The following HIPK2 variants were observed in gnomAD, a reference collection of about 807,000 sequenced individuals.
HIPK2 encodes the protein homeodomain-interacting protein kinase 2.
HIPK2 carries 27 observed loss-of-function variants against 113.7 expected under a neutral mutation model. The ratio of observed to expected loss-of-function variants is 0.24; its 90% CI spans 0.17 to 0.33. The LOEUF (loss-of-function observed/expected upper bound fraction) is 0.33, where lower values mean the gene tolerates loss of function less well. Among genes scored for constraint, HIPK2 ranks in the 10% least tolerant of loss-of-function variants. HIPK2 has a pLI of 1.00. For missense variants in HIPK2, 1,257 were observed against 1,588.0 expected (o/e 0.79, Z 3.54); for synonymous variants, 631 against 642.2 (o/e 0.98, Z 0.26).
rs147203272 is a variant in HIPK2, at chr7:139,604,299, T to G, written c.2113-76A>C. The G allele has an allele frequency of 9.4e-5, 144 of 1,539,954 alleles. No homozygotes were observed. The East Asian group carries it at 9.8e-4, about 10-fold the overall frequency. Reference sequence around the variant, plus strand: ...GATTTGCATGAACCCACACTTATTCTGTGCCTGGGGTTGTGCTAGACATTC... The same window carrying G: ...GATTTGCATGAACCCACACTTATTCGGTGCCTGGGGTTGTGCTAGACATTC... On this transcript the variant is annotated intron_variant, in intron 9 of 14. Transcript: ENST00000406875.
At chr7:139,585,909 C>T (rs1056509366) in intron 12 of HIPK2, among the ~76,000 whole-genome samples, 1 of 151,998 alleles carries the variant, frequency 6.6e-6, no homozygotes, top group African/African-American at 2.4e-5. Flanking sequence ...CATGATATCT[C>T]GGAGATCTAC....
At chr7:139,616,056 C>T (rs879002059) in intron 7 of HIPK2, among the ~76,000 whole-genome samples, 1 of 152,138 alleles carries the variant, frequency 6.6e-6, no homozygotes, top group Non-Finnish European at 1.5e-5. Context: ...ATGGTCTGCT[C>T]ATATCTAGAC....
At chr7:139,756,577 A>G (rs1217419505) in intron 1 of HIPK2, among the ~76,000 whole-genome samples, 1 of 152,180 alleles carries the variant, frequency 6.6e-6, no homozygotes, top group Admixed American at 6.5e-5. Context: ...GGCGCATGCC[A>G]CCATGCCTGG....
chr7:139,630,369 C>T lies in HIPK2; in HGVS notation c.1347+796G>A, dbSNP rs1030695466. The stretch of plus-strand genomic sequence containing the variant: ...CCCCATCACCCCAGCCGCCACCCCA[C>T]ACTTCTATACTGGGCAAACCCGCTT... On this transcript the variant is annotated intron_variant, in intron 4 of 14. Transcript: ENST00000406875. This position sits in a 1 kb window ranked among gnomAD's most constrained non-coding sequence, Gnocchi z 4.0. Among the ~76,000 whole-genome samples the T allele has an allele frequency of 8.5e-5, 13 of 152,124 alleles. No individual in the cohort carries two copies. Among genetic ancestry groups the T allele is most frequent in the African/African-American group, 3.1e-4 (13 of 41,440 alleles).
intron 2 of HIPK2, among the ~76,000 whole-genome samples, chr7:139,686,241 G>A (rs931755261): frequency 3.3e-5 from 5 of 152,216 alleles, no homozygotes; most frequent in Non-Finnish European, 7.3e-5. Flanking sequence ...AAGTGGAGCT[G>A]AAGATGTGAC....
At chr7:139,623,452 G>A (rs1476042286) in intron 6 of HIPK2, among the ~76,000 whole-genome samples, 1 of 149,236 alleles carries the variant, frequency 6.7e-6, no homozygotes, top group Non-Finnish European at 1.5e-5. Context: ...GGAAGCTGCA[G>A]TGACGCAGTG....
chr7:139,717,658 G>A (rs182517163), intron 1 of HIPK2, among the ~76,000 whole-genome samples: 255 of 152,210 alleles, frequency 1.7e-3, no homozygotes, highest in Non-Finnish European at 3.0e-3. Flanking sequence ...ACAATTCATG[G>A]CTCCATTCAC....
chr7:139,604,308 G>C, intron 9 of HIPK2, 85 bp from the exon 10 acceptor site: 1 of 1,525,472 alleles, frequency 6.6e-7, no homozygotes, highest in Non-Finnish European at 8.8e-7. Context: ...CTGTGCCTGG[G>C]GTTGTGCTAG....
At position 139,630,851 on chromosome 7, in the gene HIPK2, C is replaced by T. The variant is rs935208507; in HGVS notation, c.1347+314G>A. On this transcript the variant is annotated intron_variant, in intron 4 of 14. Transcript: ENST00000406875. The surrounding 1 kb of genome is among the most constrained non-coding windows in gnomAD (Gnocchi z 4.0). ...GAGCTTGTGGCACATGGTCCTGTCTCCCTCTGGACTGCCAGCTCTCAAGGG... is the reference window on the plus strand; with the variant it reads ...GAGCTTGTGGCACATGGTCCTGTCTTCCTCTGGACTGCCAGCTCTCAAGGG... 7.2e-5 allele frequency among the ~76,000 whole-genome samples: 11 copies of T among 152,242 alleles called. No individual in the cohort carries two copies. The highest frequency in any genetic ancestry group is 6.5e-5 in the Admixed American group (1 of 15,284).
chr7:139,717,033 C>A lies in HIPK2; in HGVS notation c.20-18G>T, dbSNP rs111470152. On this transcript the variant is annotated intron_variant, in intron 1 of 14. Transcript: ENST00000406875. ...GGCCATACCTACAAGGAAAGGAAAA[C>A]GAAAAGTAAGTATCGGAGTCACCTT... 3.5e-4 allele frequency: 554 copies of A among 1,596,694 alleles called. 2 individuals are homozygous for A. In the African/African-American group the frequency reaches 6.4e-3, roughly 19 times the overall value.
chr7:139,664,431 G>A (rs1025210150), intron 2 of HIPK2, among the ~76,000 whole-genome samples: 3 of 152,090 alleles, frequency 2.0e-5, no homozygotes, highest in Admixed American at 6.5e-5. Context: ...CAGCTACTAG[G>A]GAGGCTGAGG....
At position 139,683,204 on chromosome 7, in the gene HIPK2, A is replaced by ATAAC. The variant is rs956768272; in HGVS notation, c.1103+32724_1103+32727dup. On this transcript the variant is annotated intron_variant, in intron 2 of 14. Transcript: ENST00000406875. This position sits in a 1 kb window ranked among gnomAD's most constrained non-coding sequence, Gnocchi z 4.2. ...CGTGACCTGCTTCATGCTTAACTAT[A>ATAAC]TAACACGCGTGCCACACACGAGGAT... 6.6e-6 allele frequency among the ~76,000 whole-genome samples: 1 copy of ATAAC among 152,230 alleles called. No individual in the cohort carries two copies. The highest frequency in any genetic ancestry group is 2.4e-5 in the African/African-American group (1 of 41,472).
At chr7:139,656,376 C>T (rs927938143) in intron 2 of HIPK2, among the ~76,000 whole-genome samples, 8 of 152,194 alleles carry the variant, frequency 5.3e-5, no homozygotes, top group Admixed American at 5.2e-4. Context: ...TTAGGATGCT[C>T]AAGAGTCATC....
At chr7:139,764,234 A>G (rs1423731561) in intron 1 of HIPK2, among the ~76,000 whole-genome samples, 1 of 152,232 alleles carries the variant, frequency 6.6e-6, no homozygotes, top group Middle Eastern at 3.2e-3. Context: ...TTATTACACC[A>G]ACGAAACTGA....
chr7:139,741,946 A>G (rs1369179123), intron 1 of HIPK2, among the ~76,000 whole-genome samples: 2 of 152,238 alleles, frequency 1.3e-5, no homozygotes, highest in South Asian at 2.1e-4. Flanking sequence ...CTGGGAGGTC[A>G]TTATTATCAT....
chr7:139,737,335 C>T (rs146247584), intron 1 of HIPK2, among the ~76,000 whole-genome samples: 7 of 152,240 alleles, frequency 4.6e-5, no homozygotes, highest in Non-Finnish European at 1.0e-4. Flanking sequence ...TTTACACCCA[C>T]AAAATCCTAA....
intron 1 of HIPK2, among the ~76,000 whole-genome samples, chr7:139,755,049 G>T (rs151158812): frequency 1.3e-5 from 2 of 152,140 alleles, no homozygotes; most frequent in African/African-American, 4.8e-5. Flanking sequence ...CTTCCAGCAT[G>T]GGGGGGATGC....
intron 2 of HIPK2, among the ~76,000 whole-genome samples, chr7:139,706,668 C>G (rs149996140): frequency 0.012 from 1,767 of 152,344 alleles, 17 homozygotes; most frequent in Non-Finnish European, 0.019. Flanking sequence ...CAGAGCCCAG[C>G]CTGGCTCCCG....
At chr7:139,640,096 C>T (rs556304668) in intron 2 of HIPK2, among the ~76,000 whole-genome samples, 117 of 152,214 alleles carry the variant, frequency 7.7e-4, no homozygotes, top group African/African-American at 2.2e-3. Context: ...CTTAAAGAAT[C>T]GCCTCATTAC....
Sources: allele counts gnomAD v4.1 joint callset (sites outside exome capture counted in the v4.1 genomes callset), GRCh38; gene constraint gnomAD v4.1.1; non-coding constraint Gnocchi (gnomAD v3.1); transcripts MANE v1.5; gene names NCBI Gene and HGNC (gene_info 2026-07-23, HGNC 2026-07-21).